The following DPYSL2 variants were observed in gnomAD, a reference collection of about 807,000 sequenced individuals.
The protein encoded by DPYSL2 is dihydropyrimidinase-related protein 2.
A neutral mutation model predicts 69.9 loss-of-function variants in DPYSL2; 13 were observed. The observed-to-expected ratio is 0.19, with a 90% confidence interval of 0.12 to 0.30. The LOEUF (loss-of-function observed/expected upper bound fraction) is 0.30, where lower values mean the gene tolerates loss of function less well. Ranked by LOEUF, DPYSL2 falls within the 10% of genes least tolerant of loss-of-function variation. The pLI, the probability that DPYSL2 is intolerant of heterozygous loss-of-function variation, is 1.00. For synonymous variants in DPYSL2, 326 were observed against 359.1 expected (o/e 0.91, Z 1.04); for missense variants, 587 against 918.9 (o/e 0.64, Z 4.67).
At chr8:26,515,424 T>A (rs1808264395) in intron 1 of DPYSL2, among the ~76,000 whole-genome samples, 1 of 152,150 alleles carries the variant, frequency 6.6e-6, no homozygotes, top group Non-Finnish European at 1.5e-5. Context: ...AGCGGGGAAC[T>A]AAGTGGATTA....
chr8:26,529,353 A>C (rs1031661781), intron 1 of DPYSL2, among the ~76,000 whole-genome samples: 4 of 151,658 alleles, frequency 2.6e-5, no homozygotes, highest in African/African-American at 9.7e-5. Context: ...ATTTAGAGAC[A>C]GGATCTCTCT....
chr8:26,574,005 G>C (rs1801284955), intron 1 of DPYSL2, among the ~76,000 whole-genome samples: 1 of 151,990 alleles, frequency 6.6e-6, no homozygotes, highest in East Asian at 1.9e-4. Flanking sequence ...ACCTGCCAGA[G>C]ACAAGGCAGT....
rs1802305774 is a variant in DPYSL2 at position 26,614,564 on chromosome 8, A to G, written c.629-9579A>G. 6.6e-6 allele frequency among the ~76,000 whole-genome samples: 1 copy of G among 152,206 alleles called. No individual in the cohort carries two copies. Among genetic ancestry groups the G allele is most frequent in the South Asian group, 2.1e-4 (1 of 4,828 alleles). On this transcript the variant is annotated intron_variant, in intron 3 of 13. Transcript: ENST00000521913. The surrounding 1 kb of genome is among the most constrained non-coding windows in gnomAD (Gnocchi z 4.9). Reference sequence around the variant, plus strand: ...TTTCCTCCAAAGTTGGCCGATCACCAGATCACTTAAAGGAGGTTGTTTGTT... The same window carrying G: ...TTTCCTCCAAAGTTGGCCGATCACCGGATCACTTAAAGGAGGTTGTTTGTT...
intron 3 of DPYSL2, among the ~76,000 whole-genome samples, chr8:26,604,582 A>G (rs1171059634): frequency 1.3e-5 from 2 of 152,066 alleles, no homozygotes; most frequent in Admixed American, 1.3e-4. Flanking sequence ...TGCTTTGAAC[A>G]TACCTTTGCT....
At position 26,587,829 on chromosome 8, in the gene DPYSL2, G is replaced by T. The variant is rs1801639259; in HGVS notation, c.628+3846G>T. The stretch of plus-strand genomic sequence containing the variant: ...CTTCCCAGGGCCTTCATGGTCATTT[G>T]AGTTCAGGATCTCAGAGTTTCTAGG... On this transcript the variant is annotated intron_variant, in intron 3 of 13. Coordinates refer to ENST00000521913, the MANE Select transcript of DPYSL2 (RefSeq NM_001197293.3). The surrounding 1 kb of genome is among the most constrained non-coding windows in gnomAD (Gnocchi z 4.2). Among the ~76,000 whole-genome samples the T allele has an allele frequency of 6.6e-6, 1 of 152,118 alleles. No homozygotes were observed. The highest frequency in any genetic ancestry group is 2.4e-5 in the African/African-American group (1 of 41,424).
rs1219913633 is a variant in DPYSL2 at position 26,642,281 on chromosome 8, G to A, written c.1127-1158G>A. ...GAACTGGGCAATGACTGGAGGGGAG[G>A]ATGGGATTCTCAGGTGAAGGGTGTG... On this transcript the variant is annotated intron_variant, in intron 8 of 13. Coordinates refer to ENST00000521913, the MANE Select transcript of DPYSL2 (RefSeq NM_001197293.3). This position sits in a 1 kb window ranked among gnomAD's most constrained non-coding sequence, Gnocchi z 5.3. Among the ~76,000 whole-genome samples the A allele has an allele frequency of 2.6e-5, 4 of 152,174 alleles. No individual in the cohort carries two copies. Among genetic ancestry groups the A allele is most frequent in the African/African-American group, 7.2e-5 (3 of 41,440 alleles).
At chr8:26,525,104 G>A (rs918145910) in intron 1 of DPYSL2, among the ~76,000 whole-genome samples, 1 of 152,032 alleles carries the variant, frequency 6.6e-6, no homozygotes, top group Non-Finnish European at 1.5e-5. Flanking sequence ...TACAAATTAA[G>A]TTGATCCATT....
At chr8:26,646,613 G>A (rs1161200586) in intron 10 of DPYSL2, among the ~76,000 whole-genome samples, 1 of 152,090 alleles carries the variant, frequency 6.6e-6, no homozygotes, top group Non-Finnish European at 1.5e-5. Flanking sequence ...TTTAGAGTGG[G>A]TTTGGGAGGG....
chr8:26,551,008 C>T (rs1369390465), intron 1 of DPYSL2, among the ~76,000 whole-genome samples: 1 of 152,192 alleles, frequency 6.6e-6, no homozygotes, highest in East Asian at 1.9e-4. Flanking sequence ...GGATGGTGCC[C>T]ACTCACATTA....
At position 26,648,193 on chromosome 8, in the gene DPYSL2, C is replaced by CT. The variant is rs1803212090; in HGVS notation, c.1596+394dup. 6.6e-6 allele frequency among the ~76,000 whole-genome samples: 1 copy of CT among 152,176 alleles called. No individual in the cohort carries two copies. The highest frequency in any genetic ancestry group is 2.4e-5 in the African/African-American group (1 of 41,444). ...GAGATGTCCTCTCCTGAGATGCCCACTGGGGACTTTGATCCTCTTAAGCCA... is the reference window on the plus strand; with the variant it reads ...GAGATGTCCTCTCCTGAGATGCCCACTTGGGGACTTTGATCCTCTTAAGCCA... On this transcript the variant is annotated intron_variant, in intron 11 of 13. Transcript: ENST00000521913. The surrounding 1 kb of genome is among the most constrained non-coding windows in gnomAD (Gnocchi z 4.3).
chr8:26,518,612 T>G (rs2117596431), intron 1 of DPYSL2, among the ~76,000 whole-genome samples: 1 of 152,236 alleles, frequency 6.6e-6, no homozygotes, highest in Non-Finnish European at 1.5e-5. Flanking sequence ...TCATTCCACC[T>G]CTTCCCAGCC....
Position 26,624,265 on chromosome 8 carries a change from A to C in DPYSL2, c.751A>C (p.Lys251Gln), listed in dbSNP as rs1210981767. 1.2e-6 allele frequency: 2 copies of C among 1,614,186 alleles called. No homozygotes were observed. The highest frequency in any genetic ancestry group is 8.5e-7 in the Non-Finnish European group (1 of 1,180,024). ...GCATGTGGACATCAGTGAGTGGCAT[A>C]AGGGCATCCAGGAGGAGATGGAAGC... ...SLHVDISEWH[K>Q]GIQEEMEALV... The change falls in exon 4 of 14, where the codon AAG becomes CAG. Residue 251 changes from lysine to glutamine, a missense_variant. Lys to Gln is a moderately conservative substitution (Grantham distance 53). Around this residue, in one of 3 missense-constraint regions of DPYSL2, gnomAD observed 452 missense variants for 754.3 expected, o/e 0.60. Transcript: ENST00000521913. This position sits in a 1 kb window ranked among gnomAD's most constrained non-coding sequence, Gnocchi z 4.7.
chr8:26,530,268 T>C (rs3866466), intron 1 of DPYSL2, among the ~76,000 whole-genome samples: 128,138 of 152,126 alleles, frequency 0.84, 55,006 homozygotes, highest in East Asian at 0.99. Context: ...GTAGGGTCAG[T>C]TTTACCTTCC....
At chr8:26,520,976 C>G (rs1203385937) in intron 1 of DPYSL2, among the ~76,000 whole-genome samples, 3 of 151,988 alleles carry the variant, frequency 2.0e-5, no homozygotes, top group Non-Finnish European at 4.4e-5. Flanking sequence ...TATGTTCGTC[C>G]GAAAGGCCCT....
chr8:26,534,930 T>A (rs572269759), intron 1 of DPYSL2, among the ~76,000 whole-genome samples: 3 of 152,240 alleles, frequency 2.0e-5, no homozygotes, highest in Non-Finnish European at 2.9e-5. Context: ...ACCACAACCA[T>A]CCCAAATCTT....
At chr8:26,604,131 A>G (rs533556120) in intron 3 of DPYSL2, among the ~76,000 whole-genome samples, 1 of 152,370 alleles carries the variant, frequency 6.6e-6, no homozygotes, top group Admixed American at 6.5e-5. Flanking sequence ...GCACATAATC[A>G]GTATTAAGTC....
chr8:26,655,723 C>A lies in DPYSL2; in HGVS notation c.*17C>A. The A allele has an allele frequency of 1.3e-6, 2 of 1,584,122 alleles. No homozygotes were observed. The highest frequency in any genetic ancestry group is 1.3e-5 in the African/African-American group (1 of 74,504). ...CTGGGCTAGAGCTCCTGGGCTGTGC[C>A]GTCCACTGGGGACTGGGGATGGGAC... On this transcript the variant is annotated 3_prime_UTR_variant, in exon 14 of 14. Coordinates refer to ENST00000521913, the MANE Select transcript of DPYSL2 (RefSeq NM_001197293.3).
Position 26,624,940 on chromosome 8 carries a change from A to G in DPYSL2, c.793+633A>G, listed in dbSNP as rs1802582490. On this transcript the variant is annotated intron_variant, in intron 4 of 13. Transcript: ENST00000521913. The surrounding 1 kb of genome is among the most constrained non-coding windows in gnomAD (Gnocchi z 4.7). ...GGGGTTTGCGGGGAAGAGCCAGGCC[A>G]CATCATCTTCCTGGGTCTCGCTGGG... Among the ~76,000 whole-genome samples the G allele has an allele frequency of 6.6e-6, 1 of 152,134 alleles. No individual in the cohort carries two copies. Among genetic ancestry groups the G allele is most frequent in the South Asian group, 2.1e-4 (1 of 4,828 alleles).
chr8:26,524,870 A>G (rs557033654), intron 1 of DPYSL2, among the ~76,000 whole-genome samples: 3 of 148,054 alleles, frequency 2.0e-5, no homozygotes, highest in East Asian at 2.0e-4. Context: ...TATTCCTGAC[A>G]TCACTAGATA....
Sources: gnomAD v4.1 joint callset for allele counts (sites outside exome capture counted in the v4.1 genomes callset) on GRCh38, gnomAD v4.1.1 for gene constraint, gnomAD v4.1.1 regional missense constraint, Gnocchi (gnomAD v3.1) non-coding constraint, MANE v1.5 for transcripts, NCBI Gene and HGNC (gene_info 2026-07-23, HGNC 2026-07-21) for gene names.